NARS2: variants seen among roughly 807,000 people sequenced by gnomAD.
The protein encoded by NARS2 is asparaginyl-tRNA synthetase 2, mitochondrial, also known as asparaginyl-tRNA synthetase.
NARS2 carries 60 observed loss-of-function variants against 62.9 expected under a neutral mutation model. The observed-to-expected ratio is 0.95, with a 90% CI of 0.77 to 1.18. NARS2 has a LOEUF of 1.18. NARS2 is among the 50% of genes most tolerant of loss of function. The probability of loss-of-function intolerance (pLI) is 0.00; values close to 1 mark genes in which losing one functional copy is unlikely to be tolerated. For synonymous variants in NARS2, 196 were observed against 200.0 expected, an observed-to-expected ratio of 0.98 and a Z score of 0.17; for missense variants, 619 against 576.4, an observed-to-expected ratio of 1.07 and a Z score of -0.76.
At chr11:78,474,517 T>C (rs150404748) in intron 9 of NARS2, among the ~76,000 whole-genome samples, 397 of 152,316 alleles carry the variant, frequency 2.6e-3, no homozygotes, top group Non-Finnish European at 4.4e-3. Flanking sequence ...GTTTTCTGAA[T>C]CATGGTTCAC....
chr11:78,515,608 C>T (rs539845817), intron 6 of NARS2, among the ~76,000 whole-genome samples: 93 of 152,106 alleles, frequency 6.1e-4, no homozygotes, highest in African/African-American at 2.2e-3. Context: ...AGCCTTGAAT[C>T]CTGGGCTCAA....
At chr11:78,473,598 A>C (rs1219699203) in intron 9 of NARS2, among the ~76,000 whole-genome samples, 1 of 152,192 alleles carries the variant, frequency 6.6e-6, no homozygotes, top group Admixed American at 6.5e-5. Flanking sequence ...TGGCATGAAG[A>C]TTCTTGAACT....
chr11:78,544,018 C>CAA (rs10688131), intron 5 of NARS2, among the ~76,000 whole-genome samples: 4,332 of 73,882 alleles, frequency 0.059, 724 homozygotes, highest in African/African-American at 0.23. Flanking sequence ...GACTCTGTCT[C>CAA]AAAAAAAAAA....
chr11:78,516,815 T>G (rs954296337), intron 6 of NARS2, among the ~76,000 whole-genome samples: 15 of 152,240 alleles, frequency 9.9e-5, no homozygotes, highest in African/African-American at 3.1e-4. Flanking sequence ...GTCTTTATTT[T>G]GTATTAATAG....
intron 7 of NARS2, among the ~76,000 whole-genome samples, chr11:78,483,108 C>T (rs1210580514): frequency 6.6e-6 from 1 of 152,164 alleles, no homozygotes. Flanking sequence ...TAAACTTAAT[C>T]CATCACATAA....
In NARS2 at chr11:78,574,386, C is replaced by A. The variant is rs371097182; in HGVS notation, c.103G>T (p.Gly35Trp). The change falls in exon 1 of 14, where the codon GGG (glycine) becomes TGG (tryptophan). Residue 35 changes from glycine to tryptophan, a missense_variant. Coordinates refer to ENST00000281038, the MANE Select transcript of NARS2 (RefSeq NM_024678.6). ...SAKLSVRDALGAQNASGERIK... is the reference protein window; with the variant it reads ...SAKLSVRDALWAQNASGERIK... The stretch of plus-strand genomic sequence containing the variant: ...CGCTCCCCACTCGCGTTCTGAGCCC[C>A]GAGAGCGTCCCGCACGCTCAGTTTG... 6.2e-7 allele frequency: 1 copy of A among 1,614,222 alleles called. No individual in the cohort carries two copies.
rs761491145 is a variant in NARS2 at position 78,559,609 on chromosome 11, A to G, written c.524T>C (p.Phe175Ser). ...GATTATTGGAGTATGAATATGTACA[A>G]AGCCACTGTCCTGAAAAAGAAAACC... ...AIHSFFKDSGFVHIHTPIITS... is the reference protein window; with the variant it reads ...AIHSFFKDSGSVHIHTPIITS... The change falls in exon 5 of 14, where the codon TTT (phenylalanine) becomes TCT (serine). Residue 175 changes from phenylalanine to serine, a missense_variant. Coordinates refer to ENST00000281038, the MANE Select transcript of NARS2 (RefSeq NM_024678.6). The G allele has an allele frequency of 1.9e-6, 3 of 1,610,980 alleles. No homozygotes were observed. In the South Asian group the frequency reaches 3.3e-5, roughly 18 times the overall value.
intron 11 of NARS2, among the ~76,000 whole-genome samples, chr11:78,456,589 T>A (rs1269150191): frequency 1.3e-5 from 2 of 152,234 alleles, no homozygotes; most frequent in African/African-American, 4.8e-5. Flanking sequence ...CTTTCTGAGT[T>A]GACTTCACAG....
intron 9 of NARS2, among the ~76,000 whole-genome samples, chr11:78,473,528 G>C (rs1315298494): frequency 6.6e-6 from 1 of 152,098 alleles, no homozygotes; most frequent in East Asian, 1.9e-4. Context: ...GTTTTATATT[G>C]ATTTCTATAG....
chr11:78,493,734 C>G (rs966646646), intron 6 of NARS2, among the ~76,000 whole-genome samples: 1 of 151,712 alleles, frequency 6.6e-6, no homozygotes, highest in Admixed American at 6.6e-5. Context: ...CTGAAGGAAT[C>G]TGCAACTGCT....
At chr11:78,574,203 A>G (rs1029047927) in intron 1 of NARS2, 145 bp downstream of exon 1, 1 of 1,005,546 alleles carries the variant, frequency 9.9e-7, no homozygotes, top group South Asian at 1.5e-5. Context: ...GGAAATCAGA[A>G]AAGTGCAAAC....
chr11:78,509,838 A>AAG (rs1555027147), intron 6 of NARS2, among the ~76,000 whole-genome samples: 4 of 150,910 alleles, frequency 2.7e-5, no homozygotes, highest in Admixed American at 6.6e-5. Flanking sequence ...AAAAAAAAAA[A>AAG]AAAAGAAAAG....
chr11:78,504,150 T>A lies in NARS2; in HGVS notation c.690-10955A>T, dbSNP rs149404833. On this transcript the variant is annotated intron_variant, in intron 6 of 13. Coordinates refer to ENST00000281038, the MANE Select transcript of NARS2 (RefSeq NM_024678.6). ...AAATACTATCTGCCTAAAATTCAAA[T>A]TTTTCCACTGAACTTCACACCATAT... Among the ~76,000 whole-genome samples, 13 of 152,294 alleles carry A rather than the reference T, an allele frequency of 8.5e-5. 1 individual carries two copies. The East Asian group carries it at 2.5e-3, about 29-fold the overall frequency.
At chr11:78,473,594 G>A (rs1451227240) in intron 9 of NARS2, among the ~76,000 whole-genome samples, 1 of 152,204 alleles carries the variant, frequency 6.6e-6, no homozygotes, top group African/African-American at 2.4e-5. Flanking sequence ...GCCCTGGCAT[G>A]AAGATTCTTG....
chr11:78,497,734 C>A (rs541041556), intron 6 of NARS2, among the ~76,000 whole-genome samples: 1 of 152,070 alleles, frequency 6.6e-6, no homozygotes, highest in African/African-American at 2.4e-5. Flanking sequence ...CCAGATACCC[C>A]CTTTTCAGCT....
chr11:78,538,224 C>T (rs763767703), intron 5 of NARS2, among the ~76,000 whole-genome samples: 7 of 152,122 alleles, frequency 4.6e-5, no homozygotes, highest in Admixed American at 6.5e-5. Context: ...ACATTCACCT[C>T]AAAAATCACT....
chr11:78,544,076 G>C (rs984395564), intron 5 of NARS2, among the ~76,000 whole-genome samples: 2 of 146,976 alleles, frequency 1.4e-5, no homozygotes, highest in African/African-American at 5.0e-5. Flanking sequence ...CCACATTTGA[G>C]GATGTACAAT....
intron 6 of NARS2, among the ~76,000 whole-genome samples, chr11:78,501,739 T>C (rs1046219507): frequency 6.6e-6 from 1 of 152,224 alleles, no homozygotes; most frequent in Non-Finnish European, 1.5e-5. Flanking sequence ...TTGTATACTG[T>C]TGGTGTAAAC....
intron 6 of NARS2, among the ~76,000 whole-genome samples, chr11:78,507,019 A>T (rs1170527080): frequency 6.6e-6 from 1 of 152,134 alleles, no homozygotes; most frequent in Non-Finnish European, 1.5e-5. Context: ...AACCCCGTGC[A>T]CACAGCTTGA....
Sources: gnomAD v4.1 joint callset for allele counts (sites outside exome capture counted in the v4.1 genomes callset) on GRCh38, gnomAD v4.1.1 for gene constraint, MANE v1.5 for transcripts, NCBI Gene and HGNC (gene_info 2026-07-23, HGNC 2026-07-21) for gene names.